Variants in SRCIN1 observed in about 807,000 individuals in gnomAD.
SRCIN1 encodes P130Cas-associated protein.
Under a neutral mutation model 116.2 loss-of-function variants are expected in SRCIN1, and 50 were observed. The observed-to-expected ratio is 0.43, with a 90% CI of 0.34 to 0.54. The LOEUF is 0.54. SRCIN1 is among the 20% of genes least tolerant of loss of function. The pLI, the probability that SRCIN1 is intolerant of heterozygous loss-of-function variation, is 0.02. For synonymous variants in SRCIN1, 736 were observed against 750.0 expected (o/e 0.98, Z 0.30); for missense variants, 1,446 against 1,672.0 (o/e 0.86, Z 2.36).
Position 38,551,225 on chromosome 17 carries a change from G to A in SRCIN1, c.2892C>T (p.His964=). The stretch of plus-strand genomic sequence containing the variant: ...GGCCGTGGGGGGCCTTGGGGGGCTT[G>A]TGATCTGGAGTGGGGGCCGGGCCTG... ...AHPGPAPTPD[H]KPPKAPHGQK... is the part of the protein sequence containing the mutation. The change falls in exon 15 of 19, where the codon CAC becomes CAT. Residue 964 remains histidine (H), a synonymous_variant. Transcript: ENST00000617146. The A allele has an allele frequency of 6.2e-7, 1 of 1,608,288 alleles. No individual in the cohort carries two copies. Among genetic ancestry groups the A allele is most frequent in the Non-Finnish European group, 8.5e-7 (1 of 1,177,324 alleles).
At position 38,552,553 on chromosome 17, in the gene SRCIN1, G is replaced by A. The variant is rs753413566; in HGVS notation, c.2374C>T (p.Arg792Cys). 6.8e-6 allele frequency: 11 copies of A among 1,609,128 alleles called. No individual in the cohort carries two copies. The highest frequency in any genetic ancestry group is 4.0e-5 in the African/African-American group (3 of 74,738). Reference protein sequence around the residue: ...GLQSKMRVVLRVEVEAVKFLK... With the variant: ...GLQSKMRVVLCVEVEAVKFLK... ...AACTTCACCGCCTCCACCTCCACGCGCAGCACCACCCGCATCTTGCTCTGC... is the reference window on the plus strand; with the variant it reads ...AACTTCACCGCCTCCACCTCCACGCACAGCACCACCCGCATCTTGCTCTGC... The change falls in exon 13 of 19, where the codon CGC becomes TGC. Residue 792 changes from arginine to cysteine, a missense_variant. Physicochemically the swap from Arg to Cys is radical, Grantham distance 180. Transcript: ENST00000617146. The surrounding 1 kb of genome is among the most constrained non-coding windows in gnomAD (Gnocchi z 5.3).
Position 38,561,669 on chromosome 17 carries a change from C to G in SRCIN1, c.1494G>C (p.Pro498=). The G allele has an allele frequency of 6.4e-7, 1 of 1,556,778 alleles. No individual in the cohort carries two copies. The highest frequency in any genetic ancestry group is 8.7e-7 in the Non-Finnish European group (1 of 1,153,194). The change falls in exon 7 of 19, where the codon CCG becomes CCC. Residue 498 remains proline, a synonymous_variant. Transcript: ENST00000617146. ...PPPPHSPYSG[P]PSRGSPVRQS... is the part of the protein sequence containing the mutation. ...GGCGCACTGGCGAGCCGCGGCTGGG[C>G]GGCCCCGAGTAGGGGCTGTGCGGTG... is the stretch of plus-strand genomic sequence containing the variant.
chr17:38,578,809 G>A lies in SRCIN1; in HGVS notation c.23-18C>T. On this transcript the variant is annotated intron_variant, in intron 1 of 18. Coordinates refer to ENST00000617146, the MANE Select transcript of SRCIN1 (RefSeq NM_025248.3). The stretch of plus-strand genomic sequence containing the variant: ...CTCCGGATCTGCGAGAGGTGAGAGG[G>A]GCACGGCTGGGTCACGGCGCGCCCG... 2 of 1,467,072 alleles carry A rather than the reference G, an allele frequency of 1.4e-6. No homozygotes were observed. The highest frequency in any genetic ancestry group is 1.8e-6 in the Non-Finnish European group (2 of 1,112,448). 90.9% of individuals were successfully genotyped at this position (1,467,072 alleles called of 1,614,324 possible).
At chr17:38,569,124 G>A (rs1303081433) in intron 2 of SRCIN1, among the ~76,000 whole-genome samples, 1 of 152,176 alleles carries the variant, frequency 6.6e-6, no homozygotes, top group Non-Finnish European at 1.5e-5. Context: ...TGATTGAGGA[G>A]GGCTCCTCGT....
chr17:38,591,449 C>T (rs1908437351), intron 1 of SRCIN1, among the ~76,000 whole-genome samples: 1 of 152,196 alleles, frequency 6.6e-6, no homozygotes, highest in Admixed American at 6.5e-5. Flanking sequence ...CCCATGTCAC[C>T]ACCCCTCTTG....
chr17:38,558,543 G>A lies in SRCIN1; in HGVS notation c.2026-141C>T. The stretch of plus-strand genomic sequence containing the variant: ...GAAGCGGCTGCTTGGCTCCGCCTCA[G>A]GCAGCAGCGAAGGGGTGGGATGGCG... On this transcript the variant is annotated intron_variant, in intron 10 of 18. Coordinates refer to ENST00000617146, the MANE Select transcript of SRCIN1 (RefSeq NM_025248.3). The surrounding 1 kb of genome is among the most constrained non-coding windows in gnomAD (Gnocchi z 4.6). 1.0e-6 allele frequency: 1 copy of A among 974,990 alleles called. No homozygotes were observed. Among genetic ancestry groups the A allele is most frequent in the South Asian group, 1.7e-5 (1 of 59,388 alleles). 60.4% of individuals were successfully genotyped at this position (974,990 alleles called of 1,614,324 possible).
At chr17:38,557,939 G>C (rs1216007821) in intron 11 of SRCIN1, among the ~76,000 whole-genome samples, 2 of 152,226 alleles carry the variant, frequency 1.3e-5, no homozygotes, top group Non-Finnish European at 2.9e-5. Flanking sequence ...CTGGCCACAT[G>C]ACAGTGAAGC....
At chr17:38,595,381 C>A (rs374930617) in intron 1 of SRCIN1, among the ~76,000 whole-genome samples, 2 of 152,122 alleles carry the variant, frequency 1.3e-5, no homozygotes, top group African/African-American at 4.8e-5. Context: ...CCACACCCAG[C>A]TAATTTTTGT....
At chr17:38,536,363 TG>T (rs1226683933) in intron 18 of SRCIN1, among the ~76,000 whole-genome samples, 1 of 152,250 alleles carries the variant, frequency 6.6e-6, no homozygotes, top group Non-Finnish European at 1.5e-5. Flanking sequence ...CCTCCCCTGC[TG>T]ATTCCAATTA....
chr17:38,538,541 T>C (rs180848841), intron 18 of SRCIN1, among the ~76,000 whole-genome samples: 1 of 152,192 alleles, frequency 6.6e-6, no homozygotes, highest in Non-Finnish European at 1.5e-5. Context: ...GGAATCCCCC[T>C]GCTTCCAGCC....
chr17:38,547,062 T>A (rs1007530785), intron 17 of SRCIN1, among the ~76,000 whole-genome samples: 1 of 152,146 alleles, frequency 6.6e-6, no homozygotes, highest in East Asian at 1.9e-4. Flanking sequence ...AGGAAATAAG[T>A]GCAGCAGGAC....
chr17:38,530,296 C>A lies in SRCIN1; in HGVS notation c.*3001G>T, dbSNP rs1433322220. ...GGAGCCGGGGCTCACCCCGGGGGGC[C>A]CCCTGGGGACCCCACTCAGAGCCTC... On this transcript the variant is annotated 3_prime_UTR_variant, in exon 19 of 19. Transcript: ENST00000617146. 1 of 152,064 alleles carries A rather than the reference C, an allele frequency of 6.6e-6. No homozygotes were observed. Among genetic ancestry groups the A allele is most frequent in the Non-Finnish European group, 1.5e-5 (1 of 68,028 alleles). The allele number at this position is 152,064 out of a possible 1,614,324, so 9.4% of individuals were successfully genotyped here.
At chr17:38,587,287 C>A (rs1908167397) in intron 1 of SRCIN1, among the ~76,000 whole-genome samples, 1 of 152,146 alleles carries the variant, frequency 6.6e-6, no homozygotes, top group Non-Finnish European at 1.5e-5. Flanking sequence ...ACTGCACTGG[C>A]TCTGCATGGC....
At position 38,604,612 on chromosome 17, in the gene SRCIN1, T is replaced by C. The variant is rs1483514414; in HGVS notation, c.22+1072A>G. 2.3e-6 allele frequency: 1 copy of C among 435,604 alleles called. No homozygotes were observed. Among genetic ancestry groups the C allele is most frequent in the South Asian group, 1.6e-5 (1 of 62,072 alleles). The allele number at this position is 435,604 out of a possible 1,614,324, so 27.0% of individuals were successfully genotyped here. A position where few individuals can be genotyped will look rare whatever the true frequency, so the allele number is the denominator to read the frequency against. ...ACTGCCAGGGCTGCATGGGGACGCGTGGGGCTGGGGGACGAGCACCAGCAG... is the reference window on the plus strand; with the variant it reads ...ACTGCCAGGGCTGCATGGGGACGCGCGGGGCTGGGGGACGAGCACCAGCAG... On this transcript the variant is annotated intron_variant, in intron 1 of 18. Coordinates refer to ENST00000617146, the MANE Select transcript of SRCIN1 (RefSeq NM_025248.3). The surrounding 1 kb of genome is among the most constrained non-coding windows in gnomAD (Gnocchi z 4.3).
intron 1 of SRCIN1, among the ~76,000 whole-genome samples, chr17:38,584,776 ACT>A (rs1370362413): frequency 1.8e-4 from 28 of 151,830 alleles, no homozygotes; most frequent in African/African-American, 6.8e-4. Flanking sequence ...GTAACCCTCT[ACT>A]CTGTCCTCTG....
rs921305667 is a variant in SRCIN1 at position 38,543,828 on chromosome 17, G to T, written c.3412C>A (p.Gln1138Lys). ...RAEYMRIQAQ[Q>K]QATKPSKEMS... ...CCCACAGTCCCCGCCCTCACCTGCT[G>T]CTGGGCCTGGATCCGCATGTACTCG... The change falls in exon 18 of 19, where the codon CAG (glutamine) becomes AAG (lysine). Residue 1138 changes from glutamine to lysine, a missense_variant. This residue lies in a region of SRCIN1 where 531 missense variants were observed against 633.9 expected (regional missense o/e 0.84). Transcript: ENST00000617146. 1 of 1,605,886 alleles carries T rather than the reference G, an allele frequency of 6.2e-7. No individual in the cohort carries two copies.
intron 11 of SRCIN1, among the ~76,000 whole-genome samples, chr17:38,556,818 C>T (rs1905838565): frequency 6.6e-6 from 1 of 152,186 alleles, no homozygotes; most frequent in South Asian, 2.1e-4. Context: ...AGCCAAGGAC[C>T]AAACACTTAT....
chr17:38,564,402 G>A, intron 3 of SRCIN1, 89 bp from the exon 4 acceptor site: 1 of 1,369,036 alleles, frequency 7.3e-7, no homozygotes, highest in Non-Finnish European at 9.7e-7. Context: ...GCCTGGGAAG[G>A]TCCTGCCAGC....
intron 15 of SRCIN1, among the ~76,000 whole-genome samples, chr17:38,550,480 A>C (rs1278194727): frequency 6.6e-6 from 1 of 152,068 alleles, no homozygotes; most frequent in East Asian, 1.9e-4. Context: ...GGCGACAGAG[A>C]CAGACCCCGT....
Sources: allele counts gnomAD v4.1 joint callset (sites outside exome capture counted in the v4.1 genomes callset), GRCh38; gene constraint gnomAD v4.1.1; regional missense constraint gnomAD v4.1.1; non-coding constraint Gnocchi (gnomAD v3.1); transcripts MANE v1.5; gene names NCBI Gene and HGNC (gene_info 2026-07-23, HGNC 2026-07-21).